Variants in LAMC2 observed in about 807,000 individuals in gnomAD.
LAMC2 encodes the protein laminin subunit gamma-2.
Under a neutral mutation model 140.2 loss-of-function variants are expected in LAMC2, and 97 were observed. The observed-to-expected ratio is 0.69, with a 90% CI of 0.59 to 0.82. The LOEUF (loss-of-function observed/expected upper bound fraction) is 0.82, where lower values mean the gene tolerates loss of function less well. Ranked by LOEUF, LAMC2 falls within the 40% of genes least tolerant of loss-of-function variation. The probability of loss-of-function intolerance (pLI) is 0.00; values close to 1 mark genes in which losing one functional copy is unlikely to be tolerated. For synonymous variants in LAMC2, 513 were observed against 540.2 expected (o/e 0.95, Z 0.70); for missense variants, 1,402 against 1,476.1 (o/e 0.95, Z 0.82).
chr1:183,215,546 A>C lies in LAMC2; in HGVS notation c.362A>C (p.His121Pro), dbSNP rs765713150. ...TGCGACCGATGTCTGCCAGGCTTCC[A>C]CATGCTCACGGATGCGGGGTGCACC... is the stretch of plus-strand genomic sequence containing the variant. The part of the protein sequence containing the change: ...ARCDRCLPGF[H>P]MLTDAGCTQD... Residue 121 changes from histidine to proline, a missense_variant, in exon 3 of 23, where the codon CAC becomes CCC. Transcript: ENST00000264144. The C allele has an allele frequency of 5.6e-6, 9 of 1,614,212 alleles. No individual in the cohort carries two copies. In the Admixed American group the frequency reaches 1.5e-4, roughly 27 times the overall value.
At chr1:183,235,491 A>T in intron 15 of LAMC2, 84 bp from the exon 16 acceptor site, 1 of 1,474,614 alleles carries the variant, frequency 6.8e-7, no homozygotes, top group Non-Finnish European at 9.4e-7. Flanking sequence ...CAGCTCCCGT[A>T]CTCTTTGCCC....
chr1:183,194,149 A>G (rs575427377), intron 1 of LAMC2, among the ~76,000 whole-genome samples: 2 of 151,942 alleles, frequency 1.3e-5, no homozygotes, highest in South Asian at 2.1e-4. Context: ...CGAACTCCTG[A>G]TGTCACGTGA....
At chr1:183,245,613 C>T (rs1384644479), downstream of LAMC2, among the ~76,000 whole-genome samples, 1 of 152,206 alleles carries the variant, frequency 6.6e-6, no homozygotes, top group African/African-American at 2.4e-5. Flanking sequence ...GAGGGCCTCA[C>T]GTGCCATGGT....
At chr1:183,214,476 G>A (rs57546563) in intron 2 of LAMC2, among the ~76,000 whole-genome samples, 39,266 of 152,022 alleles carry the variant, frequency 0.26, 5,879 homozygotes, top group African/African-American at 0.39. Context: ...GAGGGAAGCT[G>A]CTTAGCACTT....
intron 1 of LAMC2, among the ~76,000 whole-genome samples, chr1:183,189,504 C>T (rs1230592184): frequency 3.3e-5 from 5 of 152,152 alleles, no homozygotes; most frequent in Admixed American, 2.0e-4. Context: ...TGCACTCCAG[C>T]CTGGGTGACA....
At chr1:183,209,901 T>C (rs1659021493) in intron 2 of LAMC2, among the ~76,000 whole-genome samples, 1 of 152,140 alleles carries the variant, frequency 6.6e-6, no homozygotes, top group African/African-American at 2.4e-5. Context: ...GGCTCCTTCT[T>C]TTTATTTGGG....
chr1:183,200,389 C>CAA (rs397765735), intron 1 of LAMC2, among the ~76,000 whole-genome samples: 33 of 144,432 alleles, frequency 2.3e-4, no homozygotes, highest in East Asian at 1.4e-3. Context: ...GACTCTGTTT[C>CAA]AAAAAAAAAA....
intron 1 of LAMC2, among the ~76,000 whole-genome samples, chr1:183,195,307 T>C (rs1313089373): frequency 6.6e-6 from 1 of 152,142 alleles, no homozygotes; most frequent in Non-Finnish European, 1.5e-5. Flanking sequence ...GGCTGTGATA[T>C]AATGTACTAT....
intron 7 of LAMC2, among the ~76,000 whole-genome samples, chr1:183,223,579 CAG>C (rs1346486959): frequency 6.6e-6 from 1 of 152,014 alleles, no homozygotes; most frequent in East Asian, 1.9e-4. Context: ...AAGGTGGACA[CAG>C]AAGTTCTGAG....
chr1:183,205,034 G>T (rs1470761959), intron 1 of LAMC2, among the ~76,000 whole-genome samples: 1 of 152,162 alleles, frequency 6.6e-6, no homozygotes, highest in African/African-American at 2.4e-5. Flanking sequence ...TGTTGGCCAG[G>T]CTGGTCTCAA....
rs1337619923 is a variant in LAMC2 at position 183,237,352 on chromosome 1, G to A, written c.2602G>A (p.Val868Met). 5 of 1,614,022 alleles carry A rather than the reference G, an allele frequency of 3.1e-6. No homozygotes were observed. The highest frequency in any genetic ancestry group is 4.2e-6 in the Non-Finnish European group (5 of 1,180,010). ...CTCCCTGGTTTCTTTGGGCTCATAG[G>A]TGGAAGAAGCAAAGAGGATCAAACA... The part of the protein sequence containing the change: ...LQGVSDQSFQ[V>M]EEAKRIKQKA... Residue 868 changes from valine to methionine, a missense_variant and splice_region_variant, in exon 18 of 23, where the codon GTG becomes ATG. Coordinates refer to ENST00000264144, the MANE Select transcript of LAMC2 (RefSeq NM_005562.3).
intron 9 of LAMC2, among the ~76,000 whole-genome samples, chr1:183,227,153 G>T (rs1223099054): frequency 6.6e-6 from 1 of 152,224 alleles, no homozygotes; most frequent in Non-Finnish European, 1.5e-5. Context: ...ATGGTTCAGT[G>T]CTGGGTAGAA....
In LAMC2 at chr1:183,245,051, T is replaced by C. The variant is rs1660213033; in HGVS notation, c.*1651T>C. On this transcript the variant is annotated 3_prime_UTR_variant, in exon 23 of 23. Coordinates refer to ENST00000264144, the MANE Select transcript of LAMC2 (RefSeq NM_005562.3). ...CATCTTACTTCGCCCATTCCAACCA[T>C]ACAGGATTGATGATGCTGTCAATGA... Among the ~76,000 whole-genome samples the C allele has an allele frequency of 6.6e-6, 1 of 152,224 alleles. No homozygotes were observed. The highest frequency in any genetic ancestry group is 2.1e-4 in the South Asian group (1 of 4,828).
At chr1:183,187,990 A>G (rs640069) in intron 1 of LAMC2, among the ~76,000 whole-genome samples, 86,068 of 151,396 alleles carry the variant, frequency 0.57, 25,159 homozygotes, top group East Asian at 0.72. Flanking sequence ...GAGTACATAT[A>G]TGTGTGTTAG....
At chr1:183,254,684 A>C in the LAMC2 span, among the ~76,000 whole-genome samples, 1 of 151,990 alleles carries the variant, frequency 6.6e-6, no homozygotes, top group African/African-American at 2.4e-5. Flanking sequence ...CAATCTTTCC[A>C]CCTCAGCCTC....
rs1388405765 is a variant in LAMC2, at chr1:183,226,737, G to C, written c.1106G>C (p.Arg369Pro). ...GACAATGTGACCCTGATTTCAGCCC[G>C]CCCTGTCTCTGGAGCCCCAGCACCC... Reference protein sequence around the residue: ...YIDNVTLISARPVSGAPAPWV... With the variant: ...YIDNVTLISAPPVSGAPAPWV... The change falls in exon 9 of 23, where the codon CGC (arginine) becomes CCC (proline). Residue 369 changes from arginine to proline, a missense_variant. Coordinates refer to ENST00000264144, the MANE Select transcript of LAMC2 (RefSeq NM_005562.3). 1 of 1,614,206 alleles carries C rather than the reference G, an allele frequency of 6.2e-7. No homozygotes were observed. The highest frequency in any genetic ancestry group is 8.5e-7 in the Non-Finnish European group (1 of 1,180,030).
At chr1:183,237,958 A>G (rs1660016580) in intron 18 of LAMC2, among the ~76,000 whole-genome samples, 2 of 152,208 alleles carry the variant, frequency 1.3e-5, no homozygotes, top group Non-Finnish European at 2.9e-5. Context: ...TGATTAGCTC[A>G]GTTCCACCCA....
chr1:183,220,831 A>G lies in LAMC2; in HGVS notation c.510A>G (p.Arg170=). ...AVTGERCDRC[R]SGYYNLDGGN... is the part of the protein sequence containing the mutation. ...TTCTACAATGCCACTGCAGGTGTCGATCAGGTTACTATAATCTGGATGGGG... is the reference window on the plus strand; with the variant it reads ...TTCTACAATGCCACTGCAGGTGTCGGTCAGGTTACTATAATCTGGATGGGG... Residue 170 remains arginine, a synonymous_variant, in exon 5 of 23, where the codon CGA becomes CGG. Transcript: ENST00000264144. The G allele has an allele frequency of 2.5e-6, 4 of 1,614,034 alleles. No homozygotes were observed. Among genetic ancestry groups the G allele is most frequent in the Non-Finnish European group, 2.5e-6 (3 of 1,179,862 alleles).
chr1:183,225,854 A>G, intron 8 of LAMC2, 134 bp downstream of exon 8: 1 of 664,264 alleles, frequency 1.5e-6, no homozygotes, highest in East Asian at 2.8e-5. Context: ...CACTGATTCA[A>G]TCTGAATTTT....
Sources: allele counts gnomAD v4.1 joint callset (sites outside exome capture counted in the v4.1 genomes callset), GRCh38; gene constraint gnomAD v4.1.1; transcripts MANE v1.5; gene names NCBI Gene and HGNC (gene_info 2026-07-23, HGNC 2026-07-21).